The following CTBS variants were observed in gnomAD, a reference collection of about 807,000 sequenced individuals.
CTBS encodes the protein di-N-acetylchitobiase.
A neutral mutation model predicts 44.3 loss-of-function variants in CTBS; 35 were observed. The ratio of observed to expected loss-of-function variants is 0.79; its 90% CI spans 0.60 to 1.05. CTBS has a LOEUF of 1.05. Among genes scored for constraint, CTBS ranks in the 50% least tolerant of loss-of-function variants. The pLI is 0.00. For missense variants in CTBS, 458 were observed against 475.3 expected, an observed-to-expected ratio of 0.96 and a Z score of 0.34; for synonymous variants, 143 against 168.0, an observed-to-expected ratio of 0.85 and a Z score of 1.15.
chr1:84,563,846 A>G lies in CTBS; in HGVS notation c.698-14T>C. The stretch of plus-strand genomic sequence containing the variant: ...AGTCATTATATCCTAGTCAAGCAGG[A>G]GAGAAAAAGCATATTTGTTTCTCTT... On this transcript the variant is annotated splice_polypyrimidine_tract_variant and intron_variant, in intron 4 of 6. Transcript: ENST00000370630. 6.3e-7 allele frequency: 1 copy of G among 1,596,152 alleles called. No homozygotes were observed. The highest frequency in any genetic ancestry group is 1.1e-5 in the South Asian group (1 of 87,830).
intron 1 of CTBS, chr1:84,573,905 G>C (rs1341463480): frequency 8.4e-7 from 1 of 1,184,082 alleles, no homozygotes; most frequent in Non-Finnish European, 1.0e-6. Flanking sequence ...AACATAAATG[G>C]ATTATCCTAC....
intron 1 of CTBS, among the ~76,000 whole-genome samples, chr1:84,572,794 T>A (rs766499907): frequency 6.6e-6 from 1 of 151,902 alleles, no homozygotes; most frequent in East Asian, 1.9e-4. Context: ...TTCTCCTGCC[T>A]CAGCCTCCCA....
At chr1:84,573,442 T>C (rs1327782455) in intron 1 of CTBS, among the ~76,000 whole-genome samples, 2 of 152,254 alleles carry the variant, frequency 1.3e-5, no homozygotes, top group East Asian at 1.9e-4. Flanking sequence ...AGGTTCTCCA[T>C]AAACACTTTC....
At position 84,574,388 on chromosome 1, in the gene CTBS, G is replaced by C. The variant is rs1293302819; in HGVS notation, c.28C>G (p.Arg10Gly). 6.4e-7 allele frequency: 1 copy of C among 1,559,558 alleles called. No individual in the cohort carries two copies. Among genetic ancestry groups the C allele is most frequent in the Non-Finnish European group, 8.7e-7 (1 of 1,153,576 alleles). ...CCGCTCGGCGGGCTAGAGACGAGGC[G>C]CCAGCGTCGAAGCTGCGGCCGGGAC... MSRPQLRRW[R>G]LVSSPPSGVP... Residue 10 changes from arginine to glycine, a missense_variant, in exon 1 of 7, where the codon CGC becomes GGC. Arg to Gly is a moderately radical substitution (Grantham distance 125). Transcript: ENST00000370630.
In CTBS at chr1:84,555,030, TC is replaced by T. The variant is rs753793114; in HGVS notation, c.1126del (p.Glu376LysfsTer3). On this transcript the variant is annotated frameshift_variant, in exon 7 of 7. Coordinates refer to ENST00000370630, the MANE Select transcript of CTBS (RefSeq NM_004388.3). LOFTEE classifies it high-confidence loss of function. ...CTGTAACAGCTTTGGCTTTAAGACT[TC>T]CCACATTTCTTCAGTTTGCTGTTTG... ...VAKQQTEEMW[E>X]VLKPKLLQR 5.6e-6 allele frequency: 9 copies of T among 1,613,880 alleles called. No homozygotes were observed. The African/African-American group carries it at 1.2e-4, about 22-fold the overall frequency.
At chr1:84,570,809 C>A in intron 1 of CTBS, 89 bp from the exon 2 acceptor site, 5 of 1,272,438 alleles carry the variant, frequency 3.9e-6, no homozygotes, top group Non-Finnish European at 5.5e-6. Context: ...CACCATACAC[C>A]AAACACTATG....
chr1:84,568,611 C>T (rs569184731), intron 3 of CTBS, among the ~76,000 whole-genome samples: 3 of 152,298 alleles, frequency 2.0e-5, no homozygotes, highest in South Asian at 4.1e-4. Context: ...CCTACTGAGT[C>T]AATCTCAGTG....
At position 84,552,962 on chromosome 1, in the gene CTBS, TTACA is replaced by T. The variant is rs1410326268; in HGVS notation, c.*2033_*2036del. ...GTTAAAGCGGTTACAAAAACCCTGTTTACATGACAACTATGATGTACTTTTAGAA... is the reference window on the plus strand; with the variant it reads ...GTTAAAGCGGTTACAAAAACCCTGTTTGACAACTATGATGTACTTTTAGAA... On this transcript the variant is annotated 3_prime_UTR_variant, in exon 7 of 7. Coordinates refer to ENST00000370630, the MANE Select transcript of CTBS (RefSeq NM_004388.3). 5 of 1,027,548 alleles carry T rather than the reference TTACA, an allele frequency of 4.9e-6. No individual in the cohort carries two copies. Among genetic ancestry groups the T allele is most frequent in the Non-Finnish European group, 7.0e-6 (5 of 709,656 alleles). 63.7% of individuals were successfully genotyped at this position (1,027,548 alleles called of 1,614,324 possible).
intron 5 of CTBS, 21 bp from the exon 6 acceptor site, chr1:84,563,439 A>G (rs1458600684): frequency 6.9e-7 from 1 of 1,441,430 alleles, no homozygotes; most frequent in Non-Finnish European, 9.1e-7. Context: ...AAAAGTGCTC[A>G]TGTTATATAT....
intron 6 of CTBS, among the ~76,000 whole-genome samples, chr1:84,556,709 T>TTA (rs1570465125): frequency 1.7e-5 from 1 of 57,770 alleles, no homozygotes; most frequent in African/African-American, 1.3e-4. Context: ...AGACTCCGTC[T>TTA]CAAAAAAAAA....
At position 84,574,315 on chromosome 1, in the gene CTBS, CGCAGCGCCA is replaced by C. The variant is rs3217269; in HGVS notation, c.92_100del (p.Leu31_Leu33del). On this transcript the variant is annotated inframe_deletion, in exon 1 of 7. Coordinates refer to ENST00000370630, the MANE Select transcript of CTBS (RefSeq NM_004388.3). ...TGGGCAGTCGGTCCCGGCCGCGAGC[CGCAGCGCCA>C]GCAGCGCCAGCAGCGCCAGCAGCGC... 0.28 allele frequency: 443,522 copies of C among 1,568,880 alleles called. 67,305 individuals are homozygous for C. The highest frequency in any genetic ancestry group is 0.5 in the African/African-American group (36,266 of 72,882).
chr1:84,569,521 T>C (rs550216722), intron 3 of CTBS, among the ~76,000 whole-genome samples: 79 of 152,334 alleles, frequency 5.2e-4, no homozygotes, highest in Middle Eastern at 6.8e-3. Flanking sequence ...GTTAGTCCTT[T>C]AAGCTTTACT....
intron 3 of CTBS, among the ~76,000 whole-genome samples, chr1:84,568,800 C>T (rs1278011895): frequency 1.3e-5 from 2 of 152,074 alleles, no homozygotes; most frequent in Non-Finnish European, 2.9e-5. Context: ...CACCTCCCCA[C>T]CCTCTCTCTT....
rs953340844 is a variant in CTBS, at chr1:84,553,336, T to C, written c.*1663A>G. 2.9e-5 allele frequency: 7 copies of C among 238,898 alleles called. No homozygotes were observed. Among genetic ancestry groups the C allele is most frequent in the African/African-American group, 1.6e-4 (7 of 44,156 alleles). The allele number at this position is 238,898 out of a possible 1,614,324, so 14.8% of individuals were successfully genotyped here. A position where few individuals can be genotyped will look rare whatever the true frequency, so the allele number is the denominator to read the frequency against. On this transcript the variant is annotated 3_prime_UTR_variant, in exon 7 of 7. Transcript: ENST00000370630. ...GGTTATTTTTAACATTCCAAGTCCT[T>C]TACATATTATTTTACAGTGCTAATT...
intron 4 of CTBS, among the ~76,000 whole-genome samples, chr1:84,565,221 A>G (rs565520837): frequency 1.3e-5 from 2 of 152,248 alleles, no homozygotes; most frequent in East Asian, 3.9e-4. Flanking sequence ...TTAAAAAAAA[A>G]AACAAAAGAA....
chr1:84,551,288 G>A lies in CTBS; in HGVS notation c.*3711C>T, dbSNP rs1427069391. ...AGCTTTATGACACAGAATAATGACTGCATTCTAGAATTAGCTCTTTTTAAA... is the reference window on the plus strand; with the variant it reads ...AGCTTTATGACACAGAATAATGACTACATTCTAGAATTAGCTCTTTTTAAA... On this transcript the variant is annotated 3_prime_UTR_variant, in exon 7 of 7. Transcript: ENST00000370630. 1 of 979,248 alleles carries A rather than the reference G, an allele frequency of 1.0e-6. No homozygotes were observed. Among genetic ancestry groups the A allele is most frequent in the African/African-American group, 1.8e-5 (1 of 56,978 alleles). The allele number at this position is 979,248 out of a possible 1,614,324, so 60.7% of individuals were successfully genotyped here.
chr1:84,567,542 C>G (rs1684722914), intron 3 of CTBS, among the ~76,000 whole-genome samples: 1 of 152,176 alleles, frequency 6.6e-6, no homozygotes, highest in South Asian at 2.1e-4. Flanking sequence ...ATTAAAGCAT[C>G]TGAATTTTTC....
At chr1:84,564,691 T>C (rs1374744880) in intron 4 of CTBS, among the ~76,000 whole-genome samples, 1 of 152,150 alleles carries the variant, frequency 6.6e-6, no homozygotes, top group Non-Finnish European at 1.5e-5. Context: ...AAACACAGTT[T>C]GGGAACCCTC....
chr1:84,563,244 C>T lies in CTBS; in HGVS notation c.957+13G>A, dbSNP rs376006621. 8.9e-5 allele frequency: 128 copies of T among 1,441,132 alleles called. No individual in the cohort carries two copies. The African/African-American group carries it at 1.0e-3, about 11-fold the overall frequency. 89.3% of individuals were successfully genotyped at this position (1,441,132 alleles called of 1,614,324 possible). On this transcript the variant is annotated intron_variant, in intron 6 of 6. Transcript: ENST00000370630. ...TAATAGAATAAATGCTCATAACTTA[C>T]GAAAAGTCTTACTTTATAGTTATAA... is the stretch of plus-strand genomic sequence containing the variant.
Sources: gnomAD v4.1 joint callset for allele counts (sites outside exome capture counted in the v4.1 genomes callset) on GRCh38, gnomAD v4.1.1 for gene constraint, MANE v1.5 for transcripts, NCBI Gene and HGNC (gene_info 2026-07-23, HGNC 2026-07-21) for gene names.